CDH11: variants seen among roughly 807,000 people sequenced by gnomAD.
The protein encoded by CDH11 is cadherin-11.
Under a neutral mutation model 67.8 loss-of-function variants are expected in CDH11, and 11 were observed. The ratio of observed to expected loss-of-function variants is 0.16; its 90% CI spans 0.10 to 0.27. CDH11 has a LOEUF of 0.27. Ranked by LOEUF, CDH11 falls within the 10% of genes least tolerant of loss-of-function variation. The probability of loss-of-function intolerance (pLI) is 1.00; values close to 1 mark genes in which losing one functional copy is unlikely to be tolerated. For missense variants in CDH11, 847 were observed against 1,031.2 expected, an observed-to-expected ratio of 0.82 and a Z score of 2.45; for synonymous variants, 419 against 400.0, an observed-to-expected ratio of 1.05 and a Z score of -0.57.
chr16:65,019,684 C>A (rs994346622), intron 2 of CDH11, among the ~76,000 whole-genome samples: 1 of 152,104 alleles, frequency 6.6e-6, no homozygotes, highest in African/African-American at 2.4e-5. Context: ...CCTCATTATT[C>A]TGACATATGG....
intron 2 of CDH11, among the ~76,000 whole-genome samples, chr16:65,019,061 T>C (rs917743097): frequency 1.3e-5 from 2 of 152,190 alleles, no homozygotes; most frequent in African/African-American, 2.4e-5. Flanking sequence ...TGGAAACACA[T>C]ACAGATAACA....
intron 1 of CDH11, among the ~76,000 whole-genome samples, chr16:65,101,663 TG>T (rs1447256023): frequency 6.6e-6 from 1 of 152,212 alleles, no homozygotes; most frequent in Admixed American, 6.5e-5. Flanking sequence ...GCCAAGATGA[TG>T]ACTATCTTCC....
intron 1 of CDH11, among the ~76,000 whole-genome samples, chr16:65,060,354 T>TATAG (rs367727382): frequency 0.014 from 2,075 of 145,000 alleles, 20 homozygotes; most frequent in South Asian, 0.055. Context: ...TATATATATA[T>TATAG]AGAGAGAGAG....
intron 12 of CDH11, chr16:64,948,909 C>A: frequency 1.4e-6 from 1 of 694,498 alleles, no homozygotes; most frequent in Non-Finnish European, 2.4e-6. Context: ...CCCATACACC[C>A]AGCAAGGCTG....
chr16:65,004,888 C>A lies in CDH11; in HGVS notation c.-19G>T. On this transcript the variant is annotated 5_prime_UTR_variant, in exon 3 of 13. Transcript: ENST00000268603. Reference sequence around the variant, plus strand: ...CCTTCATTTTTGGTTACGTGGTAGGCACAGGAGAATGCAGCTGTCACCCCT... The same window carrying A: ...CCTTCATTTTTGGTTACGTGGTAGGAACAGGAGAATGCAGCTGTCACCCCT... 1 of 1,496,482 alleles carries A rather than the reference C, an allele frequency of 6.7e-7. No homozygotes were observed. Among genetic ancestry groups the A allele is most frequent in the Non-Finnish European group, 9.0e-7 (1 of 1,117,050 alleles). 92.7% of individuals were successfully genotyped at this position (1,496,482 alleles called of 1,614,324 possible).
At chr16:65,002,491 A>G (rs1324139488) in intron 3 of CDH11, among the ~76,000 whole-genome samples, 21 of 152,328 alleles carry the variant, frequency 1.4e-4, no homozygotes, top group Admixed American at 1.4e-3. Flanking sequence ...TCCTCTACTT[A>G]GGGAATTCCA....
chr16:65,096,301 T>C (rs935369144), intron 1 of CDH11, among the ~76,000 whole-genome samples: 10 of 152,142 alleles, frequency 6.6e-5, no homozygotes, highest in African/African-American at 2.2e-4. Context: ...AATAAATTTC[T>C]GTTCTTTATA....
At chr16:65,117,782 T>G (rs1033330876) in intron 1 of CDH11, among the ~76,000 whole-genome samples, 1 of 152,144 alleles carries the variant, frequency 6.6e-6, no homozygotes, top group Non-Finnish European at 1.5e-5. Flanking sequence ...TCCATTCCCT[T>G]CCACTTGGAG....
intron 1 of CDH11, among the ~76,000 whole-genome samples, chr16:65,116,749 T>G (rs1423669453): frequency 6.9e-6 from 1 of 144,888 alleles, no homozygotes; most frequent in Non-Finnish European, 1.6e-5. Context: ...ATTGGCTTAA[T>G]AAGGATAGAG....
chr16:64,998,869 G>T lies in CDH11; in HGVS notation c.229-13C>A, dbSNP rs757370195. Reference sequence around the variant, plus strand: ...TATCTGAATGAAGCTGGAAGAAAGAGAAATTGAGATTTTTAATTCCATGAG... The same window carrying T: ...TATCTGAATGAAGCTGGAAGAAAGATAAATTGAGATTTTTAATTCCATGAG... On this transcript the variant is annotated splice_polypyrimidine_tract_variant and intron_variant, in intron 3 of 12. Transcript: ENST00000268603. The T allele has an allele frequency of 1.2e-6, 2 of 1,609,592 alleles. No individual in the cohort carries two copies. Among genetic ancestry groups the T allele is most frequent in the East Asian group, 2.2e-5 (1 of 44,818 alleles).
intron 1 of CDH11, among the ~76,000 whole-genome samples, chr16:65,110,441 GA>G (rs2142880522): frequency 6.6e-6 from 1 of 152,210 alleles, no homozygotes; most frequent in South Asian, 2.1e-4. Flanking sequence ...AGATACCTAG[GA>G]AGGCTGGGCA....
intron 12 of CDH11, chr16:64,948,534 A>AG: frequency 8.2e-7 from 1 of 1,218,336 alleles, no homozygotes; most frequent in Non-Finnish European, 1.2e-6. Context: ...ACCATCTTAT[A>AG]GGGGGTGATG....
intron 1 of CDH11, among the ~76,000 whole-genome samples, chr16:65,113,873 G>C (rs1306863851): frequency 2.6e-5 from 4 of 152,122 alleles, no homozygotes; most frequent in Non-Finnish European, 5.9e-5. Context: ...TAGCTCATGA[G>C]GGCATTGTGA....
chr16:65,068,468 T>C lies in CDH11; in HGVS notation c.-297-14540A>G, dbSNP rs1157688496. Among the ~76,000 whole-genome samples, 4 of 147,318 alleles carry C rather than the reference T, an allele frequency of 2.7e-5. 1 individual carries two copies. The highest frequency in any genetic ancestry group is 6.0e-5 in the Non-Finnish European group (4 of 66,654). ...GGAGAGAGATGATGACATGATTGGA[T>C]CTATGAGACTGTCTATTTTTAGTGG... On this transcript the variant is annotated intron_variant, in intron 1 of 12. Coordinates refer to ENST00000268603, the MANE Select transcript of CDH11 (RefSeq NM_001797.4).
intron 8 of CDH11, among the ~76,000 whole-genome samples, chr16:64,978,862 C>A (rs1014223548): frequency 3.3e-5 from 5 of 151,822 alleles, no homozygotes; most frequent in African/African-American, 9.7e-5. Flanking sequence ...TCATTCATGA[C>A]TTTAGATTAG....
rs1020522010 is a variant in CDH11 at position 64,950,681 on chromosome 16, C to T, written c.1894+86G>A. The T allele has an allele frequency of 3.0e-6, 4 of 1,340,660 alleles. No individual in the cohort carries two copies. In the Admixed American group the frequency reaches 6.4e-5, roughly 22 times the overall value. The allele number at this position is 1,340,660 out of a possible 1,614,324, so 83.0% of individuals were successfully genotyped here. A position where few individuals can be genotyped will look rare whatever the true frequency, so the allele number is the denominator to read the frequency against. On this transcript the variant is annotated intron_variant, in intron 12 of 12. Transcript: ENST00000268603. ...GACAGTCATAACAGGGTCCTGGTTACCAGCCTGTATTTGAGAAGCATGTGT... is the reference window on the plus strand; with the variant it reads ...GACAGTCATAACAGGGTCCTGGTTATCAGCCTGTATTTGAGAAGCATGTGT...
rs966671724 is a variant in CDH11, at chr16:65,004,928, G to A, written c.-59C>T. On this transcript the variant is annotated 5_prime_UTR_variant, in exon 3 of 13. Coordinates refer to ENST00000268603, the MANE Select transcript of CDH11 (RefSeq NM_001797.4). ...CTGTCACCCCTTCCACCAACTGTAC[G>A]GTGGTCTTGCTGAGGGTGGCCTCCC... 3.4e-6 allele frequency: 5 copies of A among 1,454,064 alleles called. No homozygotes were observed. The highest frequency in any genetic ancestry group is 2.7e-5 in the Admixed American group (1 of 37,516). The allele number at this position is 1,454,064 out of a possible 1,614,324, so 90.1% of individuals were successfully genotyped here. A position where few individuals can be genotyped will look rare whatever the true frequency, so the allele number is the denominator to read the frequency against.
intron 2 of CDH11, among the ~76,000 whole-genome samples, chr16:65,005,249 T>C (rs150669807): frequency 4.6e-5 from 7 of 152,306 alleles, no homozygotes; most frequent in African/African-American, 1.7e-4. Context: ...TGGGATTCAC[T>C]GAGTAATGCA....
intron 6 of CDH11, 74 bp from the exon 7 acceptor site, chr16:64,988,418 C>A (rs1377116720): frequency 7.7e-7 from 1 of 1,299,332 alleles, no homozygotes; most frequent in Non-Finnish European, 1.1e-6. Context: ...TCATTGAATC[C>A]CAATAAATTT....
Sources: allele counts gnomAD v4.1 joint callset (sites outside exome capture counted in the v4.1 genomes callset), GRCh38; gene constraint gnomAD v4.1.1; transcripts MANE v1.5; gene names NCBI Gene and HGNC (gene_info 2026-07-23, HGNC 2026-07-21).